Variants in CHRM3 observed in about 807,000 individuals in gnomAD.
The protein encoded by CHRM3 is cholinergic receptor muscarinic 3.
In CHRM3, 11 loss-of-function variants were observed where a neutral mutation model predicts 41.8. The observed-to-expected ratio is 0.26, with a 90% CI of 0.17 to 0.44. CHRM3 has a LOEUF of 0.44. CHRM3 is among the 20% of genes least tolerant of loss of function. The probability of loss-of-function intolerance (pLI) is 1.00; values close to 1 mark genes in which losing one functional copy is unlikely to be tolerated. For synonymous variants in CHRM3, 297 were observed against 301.4 expected (o/e 0.99, Z 0.15); for missense variants, 571 against 745.4 (o/e 0.77, Z 2.72).
rs541474442 is a variant in CHRM3 at position 239,753,876 on chromosome 1, A to G, written c.-146-73376A>G. On this transcript the variant is annotated intron_variant, in intron 5 of 6. Coordinates refer to ENST00000676153, the MANE Select transcript of CHRM3 (RefSeq NM_001375978.1). ...ATTTTTCTACAGAGTAAGAAAAGTA[A>G]TTCAATACAAGTAAACAGTATATTC... is the stretch of plus-strand genomic sequence containing the variant. Among the ~76,000 whole-genome samples, 5 of 152,340 alleles carry G rather than the reference A, an allele frequency of 3.3e-5. No homozygotes were observed. In the East Asian group the frequency reaches 9.6e-4, roughly 29 times the overall value.
intron 4 of CHRM3, among the ~76,000 whole-genome samples, chr1:239,674,113 A>G (rs1657715320): frequency 6.6e-6 from 1 of 152,172 alleles, no homozygotes; most frequent in Non-Finnish European, 1.5e-5. Context: ...TCAGATAAAG[A>G]ACACTCAACC....
At chr1:239,715,568 A>T (rs1418899877) in intron 5 of CHRM3, among the ~76,000 whole-genome samples, 1 of 152,158 alleles carries the variant, frequency 6.6e-6, no homozygotes, top group African/African-American at 2.4e-5. Context: ...GCTCCAGTGC[A>T]CCACCACATA....
intron 3 of CHRM3, among the ~76,000 whole-genome samples, chr1:239,612,650 C>T (rs377189626): frequency 5.9e-5 from 9 of 152,316 alleles, no homozygotes; most frequent in African/African-American, 1.7e-4. Context: ...TAGTTTTCTT[C>T]TCCAGGCTTT....
chr1:239,404,440 AAGAAAG>A (rs1660379176), intron 1 of CHRM3, among the ~76,000 whole-genome samples: 1 of 127,660 alleles, frequency 7.8e-6, no homozygotes, highest in African/African-American at 2.9e-5. Flanking sequence ...GAAAGAAAGA[AAGAAAG>A]AAAGAAAGAA....
At chr1:239,451,257 A>T (rs150203004) in intron 1 of CHRM3, among the ~76,000 whole-genome samples, 153 of 152,328 alleles carry the variant, frequency 1.0e-3, no homozygotes, top group African/African-American at 3.6e-3. Flanking sequence ...AACCAACCAC[A>T]CTATAGTAGT....
At chr1:239,784,611 G>A (rs185013055) in intron 5 of CHRM3, among the ~76,000 whole-genome samples, 20 of 152,114 alleles carry the variant, frequency 1.3e-4, no homozygotes, top group Non-Finnish European at 2.2e-4. Flanking sequence ...TTAATACGTC[G>A]TTACAATTAA....
chr1:239,564,580 G>T (rs1394613576), intron 3 of CHRM3, among the ~76,000 whole-genome samples: 3 of 152,000 alleles, frequency 2.0e-5, no homozygotes, highest in Non-Finnish European at 1.5e-5. Context: ...CTACCTAAGG[G>T]TTTAAAACTA....
At position 239,467,287 on chromosome 1, in the gene CHRM3, G is replaced by A. The variant is rs1037782540; in HGVS notation, c.-520-25422G>A. ...AATCATGACTGAATGAGTAGAGGTC[G>A]CTTGGTGTAAATGCCTCTAGTTCTT... On this transcript the variant is annotated intron_variant, in intron 1 of 6. Transcript: ENST00000676153. 3.9e-5 allele frequency among the ~76,000 whole-genome samples: 6 copies of A among 151,948 alleles called. No individual in the cohort carries two copies. The South Asian group carries it at 1.2e-3, about 32-fold the overall frequency.
At chr1:239,662,289 A>C (rs1157624048) in intron 4 of CHRM3, among the ~76,000 whole-genome samples, 1 of 152,186 alleles carries the variant, frequency 6.6e-6, no homozygotes, top group African/African-American at 2.4e-5. Context: ...CATAAGCAGG[A>C]AGAGTCCTAG....
intron 6 of CHRM3, among the ~76,000 whole-genome samples, chr1:239,901,212 G>A (rs1050513350): frequency 6.6e-5 from 10 of 152,000 alleles, no homozygotes; most frequent in African/African-American, 1.5e-4. Flanking sequence ...AACCTTCTCC[G>A]CATTTAAAAG....
intron 1 of CHRM3, among the ~76,000 whole-genome samples, chr1:239,475,161 G>C (rs1666384472): frequency 6.6e-6 from 1 of 152,070 alleles, no homozygotes; most frequent in Non-Finnish European, 1.5e-5. Context: ...TGACAAAATT[G>C]TGTATTGTCT....
chr1:239,470,317 C>G (rs1666025879), intron 1 of CHRM3, among the ~76,000 whole-genome samples: 1 of 152,118 alleles, frequency 6.6e-6, no homozygotes. Context: ...CCAGAAGAAA[C>G]CACTACTGCC....
chr1:239,645,632 A>G (rs965765517), intron 4 of CHRM3, among the ~76,000 whole-genome samples: 13 of 152,244 alleles, frequency 8.5e-5, no homozygotes, highest in African/African-American at 3.1e-4. Flanking sequence ...AACACAACGC[A>G]GAAAAGCTAG....
chr1:239,833,183 G>A (rs779337633), intron 6 of CHRM3, among the ~76,000 whole-genome samples: 1 of 152,186 alleles, frequency 6.6e-6, no homozygotes, highest in Non-Finnish European at 1.5e-5. Context: ...TATGGGCCAG[G>A]CGTGGACCAG....
intron 5 of CHRM3, among the ~76,000 whole-genome samples, chr1:239,774,364 G>C (rs897860324): frequency 6.6e-6 from 1 of 152,158 alleles, no homozygotes; most frequent in Non-Finnish European, 1.5e-5. Context: ...CTTATTTAGA[G>C]AGGGATGGGG....
intron 5 of CHRM3, among the ~76,000 whole-genome samples, chr1:239,783,328 CAT>C (rs1034203208): frequency 2.0e-5 from 3 of 151,828 alleles, no homozygotes; most frequent in Non-Finnish European, 2.9e-5. Flanking sequence ...GTTATAAAAA[CAT>C]ATTCAATAGT....
intron 3 of CHRM3, among the ~76,000 whole-genome samples, chr1:239,589,938 A>C (rs999945152): frequency 6.6e-6 from 1 of 152,116 alleles, no homozygotes; most frequent in African/African-American, 2.4e-5. Flanking sequence ...CTTAGTGATA[A>C]ATGTAAGTGC....
intron 5 of CHRM3, among the ~76,000 whole-genome samples, chr1:239,803,105 A>G (rs1483929339): frequency 6.6e-6 from 1 of 152,208 alleles, no homozygotes; most frequent in African/African-American, 2.4e-5. Flanking sequence ...ATCACAATAT[A>G]AAATACTCTC....
rs72760746 is a variant in CHRM3, at chr1:239,912,461, G to T, written c.*3237G>T. 2,729 of 167,226 alleles carry T rather than the reference G, an allele frequency of 0.016. 27 individuals carry two copies. Among genetic ancestry groups the T allele is most frequent in the Middle Eastern group, 0.04 (12 of 298 alleles). 10.4% of individuals were successfully genotyped at this position (167,226 alleles called of 1,614,324 possible). On this transcript the variant is annotated 3_prime_UTR_variant, in exon 7 of 7. Coordinates refer to ENST00000676153, the MANE Select transcript of CHRM3 (RefSeq NM_001375978.1). ...ATGAAAACAAACAAGAAGCCTAAGC[G>T]TTAGACCCTGCTGTGGCTAAAGATC...
Sources: allele counts gnomAD v4.1 joint callset (sites outside exome capture counted in the v4.1 genomes callset), GRCh38; gene constraint gnomAD v4.1.1; transcripts MANE v1.5; gene names NCBI Gene and HGNC (gene_info 2026-07-23, HGNC 2026-07-21).